The following FAM169A variants were observed in gnomAD, a reference collection of about 807,000 sequenced individuals.
The protein encoded by FAM169A is family with sequence similarity 169 member A.
In FAM169A, 24 loss-of-function variants were observed where a neutral mutation model predicts 75.7. The ratio of observed to expected loss-of-function variants is 0.32; its 90% CI spans 0.23 to 0.45. The LOEUF is 0.45. Among genes scored for constraint, FAM169A ranks in the 20% least tolerant of loss-of-function variants. The pLI, the probability that FAM169A is intolerant of heterozygous loss-of-function variation, is 1.00. For synonymous variants in FAM169A, 271 were observed against 271.0 expected (o/e 1.00, Z 0.00); for missense variants, 673 against 784.0 (o/e 0.86, Z 1.69).
Position 74,866,225 on chromosome 5 carries a change from G to A in FAM169A, c.-64C>T, listed in dbSNP as rs1750335838. The A allele has an allele frequency of 1.0e-6, 1 of 984,306 alleles. No individual in the cohort carries two copies. The highest frequency in any genetic ancestry group is 1.2e-6 in the Non-Finnish European group (1 of 829,548). The allele number at this position is 984,306 out of a possible 1,614,324, so 61.0% of individuals were successfully genotyped here. A position where few individuals can be genotyped will look rare whatever the true frequency, so the allele number is the denominator to read the frequency against. On this transcript the variant is annotated 5_prime_UTR_variant, in exon 1 of 13. Transcript: ENST00000687041. ...GGAAAGGAGGCGGAGCCGCGCGAAT[G>A]AATGGAGCCGGCGGCTGCTCGCTGG...
chr5:74,834,267 T>C (rs1748460638), intron 5 of FAM169A, among the ~76,000 whole-genome samples, 159 bp downstream of exon 5: 1 of 152,226 alleles, frequency 6.6e-6, no homozygotes, highest in Admixed American at 6.5e-5. Context: ...ATCCTCACTG[T>C]CATAGGATGG....
At chr5:74,855,858 C>T (rs1289298090) in intron 1 of FAM169A, among the ~76,000 whole-genome samples, 2 of 152,172 alleles carry the variant, frequency 1.3e-5, no homozygotes, top group African/African-American at 2.4e-5. Flanking sequence ...TCTTTGCCCA[C>T]GCCTATGCCC....
At chr5:74,835,701 A>G (rs2112655713) in intron 4 of FAM169A, among the ~76,000 whole-genome samples, 1 of 152,248 alleles carries the variant, frequency 6.6e-6, no homozygotes, top group Admixed American at 6.5e-5. Flanking sequence ...GGATAGAGAA[A>G]AGATTGACCA....
chr5:74,828,263 T>C (rs1195620069), intron 5 of FAM169A, among the ~76,000 whole-genome samples: 4 of 152,192 alleles, frequency 2.6e-5, no homozygotes, highest in Middle Eastern at 3.2e-3. Flanking sequence ...AGAAACCACC[T>C]GACTTACAAA....
intron 11 of FAM169A, among the ~76,000 whole-genome samples, chr5:74,792,012 C>T (rs1032037580): frequency 1.3e-5 from 2 of 152,178 alleles, no homozygotes; most frequent in Non-Finnish European, 2.9e-5. Context: ...TATCATGTGA[C>T]ATAAGATTTA....
At chr5:74,818,338 A>G (rs1266937209) in intron 5 of FAM169A, among the ~76,000 whole-genome samples, 3 of 152,172 alleles carry the variant, frequency 2.0e-5, no homozygotes, top group African/African-American at 7.2e-5. Context: ...CTGAAACTAG[A>G]TTAGTGGTTT....
At chr5:74,850,548 T>C (rs1022543269) in intron 1 of FAM169A, among the ~76,000 whole-genome samples, 1 of 152,220 alleles carries the variant, frequency 6.6e-6, no homozygotes, top group Non-Finnish European at 1.5e-5. Flanking sequence ...TATAAAATAC[T>C]GGTTAAGGGA....
intron 1 of FAM169A, among the ~76,000 whole-genome samples, chr5:74,855,432 G>A (rs964325666): frequency 2.0e-5 from 3 of 152,036 alleles, no homozygotes; most frequent in Non-Finnish European, 2.9e-5. Context: ...TCCTGAGCTC[G>A]AGCAATCTGC....
chr5:74,797,381 T>C (rs983129560), intron 10 of FAM169A, among the ~76,000 whole-genome samples: 3 of 152,166 alleles, frequency 2.0e-5, no homozygotes, highest in Non-Finnish European at 4.4e-5. Context: ...TTTGCCATGT[T>C]GTCCAGGCTG....
chr5:74,860,195 C>A (rs577004252), intron 1 of FAM169A, among the ~76,000 whole-genome samples: 1 of 152,162 alleles, frequency 6.6e-6, no homozygotes, highest in Non-Finnish European at 1.5e-5. Context: ...TAGATCTGCA[C>A]TGAGTAGTAA....
At chr5:74,864,101 T>C (rs1250156639) in intron 1 of FAM169A, among the ~76,000 whole-genome samples, 1 of 152,256 alleles carries the variant, frequency 6.6e-6, no homozygotes, top group Non-Finnish European at 1.5e-5. Context: ...ATCACTTGTT[T>C]GAAGACAAAA....
intron 5 of FAM169A, among the ~76,000 whole-genome samples, chr5:74,827,218 A>G (rs1291601419): frequency 1.3e-5 from 2 of 152,166 alleles, no homozygotes; most frequent in African/African-American, 4.8e-5. Flanking sequence ...CAGTTAATAA[A>G]TAACATTGAC....
intron 10 of FAM169A, among the ~76,000 whole-genome samples, chr5:74,796,881 T>C (rs1159164866): frequency 6.6e-6 from 1 of 152,184 alleles, no homozygotes. Flanking sequence ...AAATGTCACC[T>C]TGGACAACAC....
chr5:74,832,331 T>C (rs572625035), intron 5 of FAM169A, among the ~76,000 whole-genome samples: 2 of 152,036 alleles, frequency 1.3e-5, no homozygotes, highest in South Asian at 4.1e-4. Context: ...CACAGTGATC[T>C]ATTTCAGGCA....
chr5:74,840,365 G>A (rs1256006058), intron 2 of FAM169A, among the ~76,000 whole-genome samples, 192 bp from the exon 3 acceptor site: 2 of 151,860 alleles, frequency 1.3e-5, no homozygotes, highest in African/African-American at 4.8e-5. Context: ...TATTGTCTTA[G>A]GGAAAATATG....
rs11293001 is a variant in FAM169A at position 74,860,827 on chromosome 5, TAAAAAAAAAAAAAAAA to T, written c.-4+5322_-4+5337del. 5.6e-5 allele frequency among the ~76,000 whole-genome samples: 4 copies of T among 71,658 alleles called. No individual in the cohort carries two copies. In the South Asian group the frequency reaches 2.0e-3, roughly 36 times the overall value. The allele number at this position is 71,658 out of a possible 152,430, so 47.0% of individuals were successfully genotyped here. A position where few individuals can be genotyped will look rare whatever the true frequency, so the allele number is the denominator to read the frequency against. On this transcript the variant is annotated intron_variant, in intron 1 of 12. Coordinates refer to ENST00000687041, the MANE Select transcript of FAM169A (RefSeq NM_001376049.1). The stretch of plus-strand genomic sequence containing the variant: ...GATCCCTCCAAATGCAATGTAGCAC[TAAAAAAAAAAAAAAAA>T]AAAAAAAGTCTAGGCCGGACACAGT...
intron 11 of FAM169A, among the ~76,000 whole-genome samples, chr5:74,783,411 G>A (rs963295718): frequency 1.2e-4 from 18 of 152,146 alleles, no homozygotes; most frequent in African/African-American, 9.7e-5. Context: ...AGTATGGGTC[G>A]GAGATTCAAT....
chr5:74,850,144 G>A (rs1416796626), intron 1 of FAM169A, among the ~76,000 whole-genome samples: 1 of 152,202 alleles, frequency 6.6e-6, no homozygotes, highest in African/African-American at 2.4e-5. Flanking sequence ...CATGAGGTGG[G>A]TGTTTTAATT....
intron 1 of FAM169A, among the ~76,000 whole-genome samples, chr5:74,842,623 T>C (rs936484434): frequency 7.0e-6 from 1 of 143,386 alleles, no homozygotes; most frequent in African/African-American, 2.6e-5. Context: ...CCTTGAACTC[T>C]TGGGCTCAAG....
Sources: allele counts gnomAD v4.1 joint callset (sites outside exome capture counted in the v4.1 genomes callset), GRCh38; gene constraint gnomAD v4.1.1; transcripts MANE v1.5; gene names NCBI Gene and HGNC (gene_info 2026-07-23, HGNC 2026-07-21).